Variants in RPS6KA2 observed in about 807,000 individuals in gnomAD.
The protein encoded by RPS6KA2 is ribosomal protein S6 kinase A2.
Under a neutral mutation model 91.8 loss-of-function variants are expected in RPS6KA2, and 42 were observed. That is an observed-to-expected ratio of 0.46 (90% CI 0.36 to 0.59). The LOEUF is 0.59. Among genes scored for constraint, RPS6KA2 ranks in the 20% least tolerant of loss-of-function variants. The pLI is 0.00. For missense variants in RPS6KA2, 798 were observed against 978.5 expected (o/e 0.82, Z 2.46); for synonymous variants, 414 against 393.6 (o/e 1.05, Z -0.61).
At chr6:166,778,048 T>G (rs953180154) in intron 2 of RPS6KA2, among the ~76,000 whole-genome samples, 66 of 152,256 alleles carry the variant, frequency 4.3e-4, no homozygotes, top group Non-Finnish European at 4.8e-4. Context: ...GGACGATTTT[T>G]TCTGAATTTA....
chr6:166,658,909 G>A (rs1410491183), intron 2 of RPS6KA2, among the ~76,000 whole-genome samples: 2 of 152,164 alleles, frequency 1.3e-5, no homozygotes, highest in Non-Finnish European at 2.9e-5. Context: ...GAGAGCTCTG[G>A]GCAAAGGGCA....
chr6:166,836,867 G>A (rs1041798545), intron 2 of RPS6KA2, among the ~76,000 whole-genome samples: 5 of 152,262 alleles, frequency 3.3e-5, no homozygotes, highest in Non-Finnish European at 5.9e-5. Flanking sequence ...GGCCCACCTC[G>A]GTCCCTGAGC....
intron 1 of RPS6KA2, among the ~76,000 whole-genome samples, chr6:166,566,345 T>C (rs2128507859): frequency 6.6e-6 from 1 of 152,282 alleles, no homozygotes; most frequent in East Asian, 1.9e-4. Flanking sequence ...TTCACAGGCG[T>C]AGGCAGTGTA....
intron 12 of RPS6KA2, among the ~76,000 whole-genome samples, chr6:166,456,306 C>T (rs949861000): frequency 1.3e-5 from 2 of 152,148 alleles, no homozygotes; most frequent in African/African-American, 4.8e-5. Flanking sequence ...GACAGGTGGC[C>T]TAAATAGAAT....
rs1246037405 is a variant in RPS6KA2 at position 166,635,286 on chromosome 6, G to A, written c.124-96502C>T. On this transcript the variant is annotated intron_variant, in intron 2 of 21. Coordinates refer to the RPS6KA2 transcript ENST00000503859. The surrounding 1 kb of genome is among the most constrained non-coding windows in gnomAD (Gnocchi z 4.8). ...GCTGCTGTGGGCTGTGCTGAGGCTG[G>A]GATCTGAGGGGCTGGGCACAGCAGG... Among the ~76,000 whole-genome samples the A allele has an allele frequency of 6.6e-6, 1 of 152,222 alleles. No individual in the cohort carries two copies. The highest frequency in any genetic ancestry group is 1.5e-5 in the Non-Finnish European group (1 of 68,042).
chr6:166,716,049 A>G (rs1562398396), intron 2 of RPS6KA2, among the ~76,000 whole-genome samples: 4 of 90,672 alleles, frequency 4.4e-5, no homozygotes, highest in African/African-American at 9.6e-5. Context: ...AAAAAAAAAA[A>G]AAAAAAAAAA....
chr6:166,466,781 C>G (rs1780538989), intron 11 of RPS6KA2, among the ~76,000 whole-genome samples: 2 of 152,250 alleles, frequency 1.3e-5, no homozygotes, highest in Admixed American at 1.3e-4. Flanking sequence ...CTGACTCATT[C>G]ACTTATTCAT....
At chr6:166,840,964 A>G (rs1402711171) in intron 2 of RPS6KA2, among the ~76,000 whole-genome samples, 1 of 151,754 alleles carries the variant, frequency 6.6e-6, no homozygotes, top group Non-Finnish European at 1.5e-5. Flanking sequence ...ACTTTGTCTA[A>G]AGAAAAAAAA....
chr6:166,458,955 T>C (rs1300370950), intron 12 of RPS6KA2, among the ~76,000 whole-genome samples: 2 of 152,190 alleles, frequency 1.3e-5, no homozygotes, highest in African/African-American at 2.4e-5. Flanking sequence ...AAGAGTAATT[T>C]CAGACACACC....
chr6:166,561,523 G>T (rs975196391), intron 1 of RPS6KA2, among the ~76,000 whole-genome samples: 4 of 151,890 alleles, frequency 2.6e-5, no homozygotes, highest in Non-Finnish European at 5.9e-5. Context: ...AGCCCACTCT[G>T]GGAGTCACCC....
At position 166,478,732 on chromosome 6, in the gene RPS6KA2, G is replaced by A. The variant is rs1014445960; in HGVS notation, c.908-8827C>T. 3.3e-5 allele frequency among the ~76,000 whole-genome samples: 5 copies of A among 152,288 alleles called. No homozygotes were observed. In the East Asian group the frequency reaches 7.7e-4, roughly 24 times the overall value. On this transcript the variant is annotated intron_variant, in intron 10 of 20. Transcript: ENST00000265678. ...ATGAGCAGGAAGCAATGAGGCCGGGGGGTTGGACACCCTTCCCGGCCACAG... is the reference window on the plus strand; with the variant it reads ...ATGAGCAGGAAGCAATGAGGCCGGGAGGTTGGACACCCTTCCCGGCCACAG...
At chr6:166,645,792 A>T (rs1034645899) in intron 2 of RPS6KA2, among the ~76,000 whole-genome samples, 2 of 152,256 alleles carry the variant, frequency 1.3e-5, no homozygotes, top group Non-Finnish European at 1.5e-5. Context: ...TAACTTTGCC[A>T]TAGTTTTGCA....
At chr6:166,854,082 T>C (rs1780822801) in intron 2 of RPS6KA2, among the ~76,000 whole-genome samples, 1 of 152,244 alleles carries the variant, frequency 6.6e-6, no homozygotes, top group African/African-American at 2.4e-5. Context: ...TGCCTGCCTC[T>C]GATGCGTCAG....
chr6:166,822,954 C>A (rs1245797892), intron 2 of RPS6KA2, among the ~76,000 whole-genome samples: 3 of 152,194 alleles, frequency 2.0e-5, no homozygotes, highest in Non-Finnish European at 4.4e-5. Flanking sequence ...TATTCCAGTT[C>A]ATCAATGAAG....
chr6:166,622,114 T>G (rs767127479), intron 1 of RPS6KA2, among the ~76,000 whole-genome samples: 1 of 152,230 alleles, frequency 6.6e-6, no homozygotes. Context: ...TTTGCTGTGC[T>G]GGGTGTGGCC....
At chr6:166,813,680 C>T (rs1360421480) in intron 2 of RPS6KA2, among the ~76,000 whole-genome samples, 1 of 152,168 alleles carries the variant, frequency 6.6e-6, no homozygotes, top group Non-Finnish European at 1.5e-5. Flanking sequence ...ATGCGTCACT[C>T]CAGTCTCTGT....
intron 2 of RPS6KA2, among the ~76,000 whole-genome samples, chr6:166,709,142 C>T (rs1245190634): frequency 6.6e-6 from 1 of 152,184 alleles, no homozygotes; most frequent in Non-Finnish European, 1.5e-5. Flanking sequence ...CTCCTTAAAG[C>T]AGCACTGAAG....
chr6:166,676,084 G>A (rs969900158), intron 2 of RPS6KA2, among the ~76,000 whole-genome samples: 3 of 152,076 alleles, frequency 2.0e-5, no homozygotes, highest in Admixed American at 2.0e-4. Flanking sequence ...GGGAGGCCGA[G>A]GGGGGATGGA....
At chr6:166,607,993 A>G (rs1786014481) in intron 1 of RPS6KA2, among the ~76,000 whole-genome samples, 1 of 151,420 alleles carries the variant, frequency 6.6e-6, no homozygotes, top group Non-Finnish European at 1.5e-5. Context: ...CAGAGCGAGA[A>G]GGCAAAACCT....
Sources: gnomAD v4.1 joint callset for allele counts (sites outside exome capture counted in the v4.1 genomes callset) on GRCh38, gnomAD v4.1.1 for gene constraint, Gnocchi (gnomAD v3.1) non-coding constraint, MANE v1.5 for transcripts, NCBI Gene and HGNC (gene_info 2026-07-23, HGNC 2026-07-21) for gene names.